CSNK2A1: variants seen among roughly 807,000 people sequenced by gnomAD.
CSNK2A1 encodes casein kinase 2 alpha 1.
A neutral mutation model predicts 62.9 loss-of-function variants in CSNK2A1; 10 were observed. That is an observed-to-expected ratio of 0.16 (90% CI 0.10 to 0.27). CSNK2A1 has a LOEUF of 0.27. Among genes scored for constraint, CSNK2A1 ranks in the 10% least tolerant of loss-of-function variants. CSNK2A1 has a pLI of 1.00. For missense variants in CSNK2A1, 160 were observed against 492.0 expected, an observed-to-expected ratio of 0.33 and a Z score of 6.38; for synonymous variants, 124 against 167.8, an observed-to-expected ratio of 0.74 and a Z score of 2.02.
At chr20:518,282 T>C (rs2018868468) in intron 2 of CSNK2A1, among the ~76,000 whole-genome samples, 2 of 152,174 alleles carry the variant, frequency 1.3e-5, no homozygotes, top group African/African-American at 4.8e-5. Flanking sequence ...AGCCCAGGGC[T>C]CTCACAAGAC....
intron 1 of CSNK2A1, among the ~76,000 whole-genome samples, chr20:529,030 A>G (rs1054837424): frequency 6.6e-6 from 1 of 152,074 alleles, no homozygotes; most frequent in Admixed American, 6.6e-5. Flanking sequence ...TAAATAAGTC[A>G]TAAGTTTTAT....
chr20:519,893 AAC>A (rs2018910049), intron 2 of CSNK2A1, among the ~76,000 whole-genome samples: 3 of 152,320 alleles, frequency 2.0e-5, no homozygotes, highest in South Asian at 2.1e-4. Flanking sequence ...TAACAATAAA[AAC>A]ACAGTGTATT....
chr20:534,505 A>G (rs1309962367), intron 1 of CSNK2A1, among the ~76,000 whole-genome samples: 1 of 152,190 alleles, frequency 6.6e-6, no homozygotes, highest in East Asian at 1.9e-4. Flanking sequence ...CAACTGAGAC[A>G]TGCCCCACCT....
At chr20:489,240 CAG>C (rs1264958533) in intron 10 of CSNK2A1, 3 of 168,526 alleles carry the variant, frequency 1.8e-5, no homozygotes, top group Admixed American at 6.0e-5. Flanking sequence ...GCACTTGATA[CAG>C]AGTTATTGAC....
chr20:541,272 A>T (rs2019443272), intron 1 of CSNK2A1, among the ~76,000 whole-genome samples: 1 of 152,150 alleles, frequency 6.6e-6, no homozygotes, highest in Non-Finnish European at 1.5e-5. Flanking sequence ...CTTAACCTTA[A>T]TTACACCTGC....
intron 13 of CSNK2A1, among the ~76,000 whole-genome samples, chr20:485,089 A>AT (rs2018049065): frequency 5.4e-5 from 2 of 36,722 alleles, no homozygotes; most frequent in African/African-American, 9.5e-5. Flanking sequence ...AAAAAAAAAA[A>AT]AAAAAAAAAA....
At position 499,464 on chromosome 20, in the gene CSNK2A1, A is replaced by C; in HGVS notation, c.316-159T>G. The C allele has an allele frequency of 1.7e-6, 1 of 594,254 alleles. No homozygotes were observed. The highest frequency in any genetic ancestry group is 2.8e-6 in the Non-Finnish European group (1 of 351,700). 36.8% of individuals were successfully genotyped at this position (594,254 alleles called of 1,614,324 possible). On this transcript the variant is annotated intron_variant, in intron 5 of 13. Coordinates refer to ENST00000217244, the MANE Select transcript of CSNK2A1 (RefSeq NM_177559.3). This position sits in a 1 kb window ranked among gnomAD's most constrained non-coding sequence, Gnocchi z 4.2. Reference sequence around the variant, plus strand: ...ACAAGCCCTCCCCGCTCTGATCATCACCGCACTTAGGTCATTTTTGGGATG... The same window carrying C: ...ACAAGCCCTCCCCGCTCTGATCATCCCCGCACTTAGGTCATTTTTGGGATG...
rs952517940 is a variant in CSNK2A1 at position 499,751 on chromosome 20, G to C, written c.315+82C>G. 3.9e-6 allele frequency: 5 copies of C among 1,289,084 alleles called. No homozygotes were observed. The African/African-American group carries it at 7.3e-5, about 19-fold the overall frequency. 79.9% of individuals were successfully genotyped at this position (1,289,084 alleles called of 1,614,324 possible). A position where few individuals can be genotyped will look rare whatever the true frequency, so the allele number is the denominator to read the frequency against. ...GGACTTAATGATGAGGGTTGGGGGA[G>C]GGAACAAAAAGAGGCCAGTTGTGCT... On this transcript the variant is annotated intron_variant, in intron 5 of 13. Coordinates refer to ENST00000217244, the MANE Select transcript of CSNK2A1 (RefSeq NM_177559.3). The surrounding 1 kb of genome is among the most constrained non-coding windows in gnomAD (Gnocchi z 4.2).
chr20:484,904 T>C (rs1467513802), intron 13 of CSNK2A1, among the ~76,000 whole-genome samples: 6 of 149,802 alleles, frequency 4.0e-5, no homozygotes, highest in South Asian at 2.1e-4. Context: ...CCATCTCTAC[T>C]AAAAATACAA....
At chr20:493,762 T>C (rs558268521) in intron 8 of CSNK2A1, among the ~76,000 whole-genome samples, 2 of 152,316 alleles carry the variant, frequency 1.3e-5, no homozygotes, top group South Asian at 4.1e-4. Flanking sequence ...ACCACACACA[T>C]GTCCTGTGTG....
Position 477,788 on chromosome 20 carries a change from T to A in CSNK2A1, c.*6173A>T, listed in dbSNP as rs1425450051. 6.6e-6 allele frequency: 1 copy of A among 152,276 alleles called. No homozygotes were observed. The highest frequency in any genetic ancestry group is 1.5e-5 in the Non-Finnish European group (1 of 68,150). 9.4% of individuals were successfully genotyped at this position (152,276 alleles called of 1,614,324 possible). Reference sequence around the variant, plus strand: ...GGGCGGATCACCTGAGGTCGGGAGTTCGAGACCAGCCTGACCAACATGGAG... The same window carrying A: ...GGGCGGATCACCTGAGGTCGGGAGTACGAGACCAGCCTGACCAACATGGAG... On this transcript the variant is annotated 3_prime_UTR_variant, in exon 14 of 14. Transcript: ENST00000217244.
chr20:490,704 C>CT (rs11476971), intron 9 of CSNK2A1, among the ~76,000 whole-genome samples: 2,484 of 134,274 alleles, frequency 0.018, 32 homozygotes, highest in Middle Eastern at 0.1. Context: ...GTGCCTGGCT[C>CT]TTTTTTTTTT....
At chr20:497,838 C>T in intron 6 of CSNK2A1, 58 bp from the exon 7 acceptor site, 1 of 1,497,416 alleles carries the variant, frequency 6.7e-7, no homozygotes, top group Non-Finnish European at 9.3e-7. Context: ...CATTTTTCAC[C>T]CTCACTCACA....
rs1472805125 is a variant in CSNK2A1 at position 508,633 on chromosome 20, A to C, written c.-82T>G. On this transcript the variant is annotated 5_prime_UTR_variant, in exon 3 of 14. Transcript: ENST00000217244. ...GTGTTCAGAAGCAGCTGGGGGTAAG[A>C]CCTTGTTTCAGACCTGTTTTCTTCA... is the stretch of plus-strand genomic sequence containing the variant. 1.4e-6 allele frequency: 2 copies of C among 1,403,508 alleles called. No homozygotes were observed. Among genetic ancestry groups the C allele is most frequent in the Admixed American group, 4.1e-5 (2 of 49,038 alleles). 86.9% of individuals were successfully genotyped at this position (1,403,508 alleles called of 1,614,324 possible).
intron 2 of CSNK2A1, among the ~76,000 whole-genome samples, chr20:518,267 A>C (rs144822703): frequency 6.6e-6 from 1 of 152,340 alleles, no homozygotes; most frequent in Non-Finnish European, 1.5e-5. Context: ...TCTCACATAA[A>C]CCAAAGCCCA....
chr20:517,762 T>C (rs1467682292), intron 2 of CSNK2A1, among the ~76,000 whole-genome samples: 6 of 152,170 alleles, frequency 3.9e-5, no homozygotes, highest in African/African-American at 1.4e-4. Flanking sequence ...CATTTTGTTA[T>C]CTTCTATAAG....
rs908355190 is a variant in CSNK2A1, at chr20:492,703, A to G, written c.511-339T>C. 3.7e-5 allele frequency: 8 copies of G among 217,504 alleles called. 1 individual carries two copies. Among genetic ancestry groups the G allele is most frequent in the Non-Finnish European group, 7.3e-5 (8 of 109,234 alleles). The allele number at this position is 217,504 out of a possible 1,614,324, so 13.5% of individuals were successfully genotyped here. ...GTCAGCTTCTCAATGAAGTCTGATC[A>G]TTGCCTTCAGCCCCCTGAATTTTAG... On this transcript the variant is annotated intron_variant, in intron 8 of 13. Transcript: ENST00000217244.
At chr20:489,629 A>G (rs2018174846) in intron 10 of CSNK2A1, 151 bp downstream of exon 10, 1 of 506,148 alleles carries the variant, frequency 2.0e-6, no homozygotes, top group African/African-American at 1.9e-5. Flanking sequence ...GGAATGTCTG[A>G]TTTCAAAAGG....
chr20:509,849 T>C (rs987152160), intron 2 of CSNK2A1, among the ~76,000 whole-genome samples: 2 of 152,126 alleles, frequency 1.3e-5, no homozygotes, highest in Admixed American at 6.5e-5. Flanking sequence ...AGTGCTGAGA[T>C]CACAGATGTG....
Sources: allele counts gnomAD v4.1 joint callset (sites outside exome capture counted in the v4.1 genomes callset), GRCh38; gene constraint gnomAD v4.1.1; non-coding constraint Gnocchi (gnomAD v3.1); transcripts MANE v1.5; gene names NCBI Gene and HGNC (gene_info 2026-07-23, HGNC 2026-07-21).